The following PTPRN2 variants were observed in gnomAD, a reference collection of about 807,000 sequenced individuals.
The protein encoded by PTPRN2 is receptor-type tyrosine-protein phosphatase N2.
PTPRN2 carries 74 observed loss-of-function variants against 118.8 expected under a neutral mutation model. The ratio of observed to expected loss-of-function variants is 0.62; its 90% CI spans 0.52 to 0.76. The LOEUF (loss-of-function observed/expected upper bound fraction) is 0.76. Among genes scored for constraint, PTPRN2 ranks in the 30% least tolerant of loss-of-function variants. The pLI is 0.00. For synonymous variants in PTPRN2, 641 were observed against 608.0 expected (o/e 1.05, Z -0.80); for missense variants, 1,481 against 1,394.4 (o/e 1.06, Z -0.99).
At chr7:158,334,743 A>T (rs574052267) in intron 2 of PTPRN2, among the ~76,000 whole-genome samples, 9 of 38,880 alleles carry the variant, frequency 2.3e-4, no homozygotes, top group African/African-American at 6.8e-4. Context: ...TCACCATAAG[A>T]GGTGACGCCC....
chr7:157,556,379 C>T (rs1194799918), intron 21 of PTPRN2, among the ~76,000 whole-genome samples: 1 of 151,182 alleles, frequency 6.6e-6, no homozygotes, highest in Non-Finnish European at 1.5e-5. Context: ...GGCATGCACA[C>T]ACCACACAAC....
chr7:157,580,266 A>G (rs1800272915), intron 17 of PTPRN2, among the ~76,000 whole-genome samples: 1 of 152,182 alleles, frequency 6.6e-6, no homozygotes, highest in Non-Finnish European at 1.5e-5. Flanking sequence ...TCTTTCAGGA[A>G]GTAAATAATG....
chr7:157,664,228 C>CGATGACT (rs1461838759), intron 13 of PTPRN2, among the ~76,000 whole-genome samples: 1 of 152,246 alleles, frequency 6.6e-6, no homozygotes, highest in Non-Finnish European at 1.5e-5. Flanking sequence ...ACCGCTGAGG[C>CGATGACT]GATGACTGAA....
intron 12 of PTPRN2, among the ~76,000 whole-genome samples, chr7:157,686,869 A>C (rs1416905094): frequency 1.3e-5 from 2 of 152,166 alleles, no homozygotes; most frequent in African/African-American, 4.8e-5. Context: ...CTGAGTTCTC[A>C]GAGGCAGGAA....
At chr7:157,802,526 C>T (rs11769566) in intron 12 of PTPRN2, among the ~76,000 whole-genome samples, 202 of 152,324 alleles carry the variant, frequency 1.3e-3, no homozygotes, top group Non-Finnish European at 2.5e-3. Flanking sequence ...TGAACAATGC[C>T]GTGATGAACT....
intron 1 of PTPRN2, among the ~76,000 whole-genome samples, chr7:158,550,880 T>A (rs1448395854): frequency 6.6e-6 from 1 of 152,172 alleles, no homozygotes; most frequent in Non-Finnish European, 1.5e-5. Context: ...CAGGCGGCCG[T>A]CGCGCTTCCC....
intron 11 of PTPRN2, among the ~76,000 whole-genome samples, chr7:157,958,112 G>A (rs561296998): frequency 2.0e-5 from 3 of 151,984 alleles, no homozygotes; most frequent in African/African-American, 4.8e-5. Context: ...AATAATAAAC[G>A]CAATACACCC....
chr7:157,840,992 C>T (rs1014328632), intron 12 of PTPRN2, among the ~76,000 whole-genome samples: 1 of 152,252 alleles, frequency 6.6e-6, no homozygotes, highest in African/African-American at 2.4e-5. Context: ...GTCTGCAGGG[C>T]AACCTGCAAT....
chr7:157,576,697 G>C lies in PTPRN2; in HGVS notation c.2699C>G (p.Thr900Arg). ...GAAGTGGAACTGCGTCACGGTGCGC[G>C]TCTCGTTGGTCTGCAGGTTCTTCAG... is the stretch of plus-strand genomic sequence containing the variant. ...FYLKNLQTNETRTVTQFHFLS... is the reference protein window; with the variant it reads ...FYLKNLQTNERRTVTQFHFLS... The change falls in exon 19 of 23, where the codon ACG (threonine) becomes AGG (arginine). Residue 900 changes from threonine (T) to arginine (R), a missense_variant. Transcript: ENST00000389418. The C allele has an allele frequency of 6.2e-7, 1 of 1,610,644 alleles. No homozygotes were observed.
At chr7:157,798,265 AT>A (rs1255662859) in intron 12 of PTPRN2, among the ~76,000 whole-genome samples, 4 of 152,366 alleles carry the variant, frequency 2.6e-5, no homozygotes, top group African/African-American at 7.2e-5. Context: ...TCCTAAAAAA[AT>A]AAATAAAAAT....
intron 6 of PTPRN2, among the ~76,000 whole-genome samples, chr7:158,145,689 C>A (rs1033674605): frequency 1.2e-4 from 19 of 152,248 alleles, no homozygotes; most frequent in African/African-American, 4.3e-4. Context: ...TGCCTGCACA[C>A]TTTCTCAGGC....
intron 12 of PTPRN2, among the ~76,000 whole-genome samples, chr7:157,734,934 G>A (rs185387206): frequency 4.4e-4 from 67 of 152,306 alleles, no homozygotes; most frequent in Admixed American, 1.5e-3. Context: ...GAGGAAACGC[G>A]CACACACATC....
chr7:157,578,917 T>C (rs1359770156), intron 17 of PTPRN2, among the ~76,000 whole-genome samples: 5 of 152,268 alleles, frequency 3.3e-5, no homozygotes, highest in African/African-American at 4.8e-5. Flanking sequence ...TATGAAATTA[T>C]AGAGTGAAGA....
At chr7:157,732,419 C>T (rs868380829) in intron 12 of PTPRN2, among the ~76,000 whole-genome samples, 22 of 24,592 alleles carry the variant, frequency 8.9e-4, no homozygotes, top group African/African-American at 1.5e-3. Flanking sequence ...CCCTTTTCCG[C>T]CCCATGCGCC....
In PTPRN2 at chr7:158,076,465, C is replaced by T. The variant is rs1812366748; in HGVS notation, c.1723+4833G>A. ...GTGGACCAATGCTGCAGCAGCAAGG[C>T]ACCCCTCCCCCTCCCCCGGGGCCAA... is the stretch of plus-strand genomic sequence containing the variant. On this transcript the variant is annotated intron_variant, in intron 11 of 22. Coordinates refer to ENST00000389418, the MANE Select transcript of PTPRN2 (RefSeq NM_002847.5). 3.9e-5 allele frequency among the ~76,000 whole-genome samples: 6 copies of T among 152,366 alleles called. 1 individual carries two copies. The Middle Eastern group carries it at 0.014, about 345-fold the overall frequency.
At chr7:158,443,901 T>A (rs1421703767) in intron 2 of PTPRN2, among the ~76,000 whole-genome samples, 4 of 152,202 alleles carry the variant, frequency 2.6e-5, no homozygotes, top group African/African-American at 9.6e-5. Context: ...TGCTCCCATG[T>A]GGCACCCTAC....
intron 13 of PTPRN2, among the ~76,000 whole-genome samples, chr7:157,657,908 ACAC>A (rs1217292487): frequency 7.1e-6 from 1 of 141,708 alleles, no homozygotes; most frequent in African/African-American, 2.7e-5. Flanking sequence ...ACAGACACAC[ACAC>A]ACCACACACA....
chr7:157,566,040 T>C (rs983325422), intron 21 of PTPRN2, among the ~76,000 whole-genome samples: 1 of 152,236 alleles, frequency 6.6e-6, no homozygotes, highest in African/African-American at 2.4e-5. Context: ...TCAACTATTC[T>C]GAGTTTGTTT....
At chr7:157,711,432 G>A (rs568313654) in intron 12 of PTPRN2, among the ~76,000 whole-genome samples, 2 of 147,396 alleles carry the variant, frequency 1.4e-5, no homozygotes, top group South Asian at 4.4e-4. Context: ...ACACGCGAGA[G>A]CCCCACGCGC....
Sources: allele counts gnomAD v4.1 joint callset (sites outside exome capture counted in the v4.1 genomes callset), GRCh38; gene constraint gnomAD v4.1.1; transcripts MANE v1.5; gene names NCBI Gene and HGNC (gene_info 2026-07-23, HGNC 2026-07-21).